Variants in CERT1 observed in about 807,000 individuals in gnomAD.
CERT1 encodes ceramide transporter 1.
Under a neutral mutation model 87.9 loss-of-function variants are expected in CERT1, and 31 were observed. The ratio of observed to expected loss-of-function variants is 0.35; its 90% confidence interval spans 0.27 to 0.48. CERT1 has a LOEUF of 0.48. CERT1 is among the 20% of genes least tolerant of loss of function. CERT1 has a pLI of 0.99. For synonymous variants in CERT1, 289 were observed against 250.9 expected (o/e 1.15, Z -1.44); for missense variants, 487 against 758.0 (o/e 0.64, Z 4.20).
downstream of CERT1, chr5:75,374,447 A>G (rs2111958368): frequency 1.4e-6 from 1 of 692,084 alleles, no homozygotes; most frequent in African/African-American, 1.8e-5. Flanking sequence ...TCCTCTCTAC[A>G]GTCCAGGCCT....
intron 3 of CERT1, among the ~76,000 whole-genome samples, chr5:75,431,085 G>A (rs1195128635): frequency 1.3e-5 from 2 of 152,114 alleles, no homozygotes; most frequent in Non-Finnish European, 2.9e-5. Context: ...TTTAGGTTCA[G>A]GCAATACATG....
At chr5:75,445,441 G>T (rs1023525623) in intron 3 of CERT1, among the ~76,000 whole-genome samples, 1 of 152,134 alleles carries the variant, frequency 6.6e-6, no homozygotes, top group African/African-American at 2.4e-5. Flanking sequence ...TTATTTGGGC[G>T]TGTTTAAATT....
chr5:75,487,197 T>G (rs1766563801), intron 2 of CERT1, among the ~76,000 whole-genome samples: 1 of 152,036 alleles, frequency 6.6e-6, no homozygotes. Flanking sequence ...GTGAACTTAT[T>G]TTTGAGAAAA....
intron 7 of CERT1, among the ~76,000 whole-genome samples, chr5:75,414,537 G>T (rs954094699): frequency 6.6e-5 from 10 of 152,028 alleles, no homozygotes; most frequent in Admixed American, 2.6e-4. Flanking sequence ...TCAATGAACA[G>T]GTTATCTCTT....
At chr5:75,421,945 C>T (rs1256359243) in intron 5 of CERT1, among the ~76,000 whole-genome samples, 1 of 152,124 alleles carries the variant, frequency 6.6e-6, no homozygotes, top group Non-Finnish European at 1.5e-5. Context: ...GCCTTCTGTA[C>T]AATATTTGTT....
At chr5:75,399,177 T>G (rs1762372235) in intron 11 of CERT1, 133 bp downstream of exon 11, 1 of 664,146 alleles carries the variant, frequency 1.5e-6, no homozygotes, top group African/African-American at 1.8e-5. Context: ...AAGACCTTTT[T>G]AATGCTTAAT....
At chr5:75,484,237 C>T (rs1368004471) in intron 2 of CERT1, among the ~76,000 whole-genome samples, 1 of 150,178 alleles carries the variant, frequency 6.7e-6, no homozygotes, top group African/African-American at 2.4e-5. Context: ...CAGACAAAAC[C>T]TGCAACAGAC....
At position 75,499,118 on chromosome 5, in the gene CERT1, A is replaced by C. The variant is rs371341565; in HGVS notation, c.231+6864T>G. Reference sequence around the variant, plus strand: ...GTATTTACCCACTGCCCATACCCTCAATGTATCTAAGAAGGAACTAACTTG... The same window carrying C: ...GTATTTACCCACTGCCCATACCCTCCATGTATCTAAGAAGGAACTAACTTG... On this transcript the variant is annotated intron_variant, in intron 2 of 16. Transcript: ENST00000643780. Among the ~76,000 whole-genome samples, 9 of 152,270 alleles carry C rather than the reference A, an allele frequency of 5.9e-5. No individual in the cohort carries two copies. The East Asian group carries it at 9.7e-4, about 16-fold the overall frequency.
chr5:75,506,712 T>C (rs986451503), intron 1 of CERT1, among the ~76,000 whole-genome samples: 1 of 152,336 alleles, frequency 6.6e-6, no homozygotes, highest in East Asian at 1.9e-4. Flanking sequence ...TCTACAGAAC[T>C]GAATAATATT....
chr5:75,410,492 C>A (rs2112124328), intron 8 of CERT1, among the ~76,000 whole-genome samples: 1 of 152,060 alleles, frequency 6.6e-6, no homozygotes, highest in East Asian at 1.9e-4. Context: ...TGCCTGTAGT[C>A]CCAGCTACTA....
chr5:75,383,830 T>C (rs1210789770), intron 14 of CERT1, among the ~76,000 whole-genome samples: 1 of 152,218 alleles, frequency 6.6e-6, no homozygotes, highest in Non-Finnish European at 1.5e-5. Context: ...TTTTAATTCC[T>C]TTTATTATGC....
At chr5:75,502,625 T>A (rs888772435) in intron 2 of CERT1, among the ~76,000 whole-genome samples, 2 of 152,154 alleles carry the variant, frequency 1.3e-5, no homozygotes, top group African/African-American at 4.8e-5. Flanking sequence ...AATCCTTGTA[T>A]AGTCCTACAT....
chr5:75,415,278 A>T (rs1763091937), intron 7 of CERT1, among the ~76,000 whole-genome samples: 1 of 152,244 alleles, frequency 6.6e-6, no homozygotes, highest in Non-Finnish European at 1.5e-5. Context: ...AAAATTTGAC[A>T]TCAGATAGAT....
intron 2 of CERT1, among the ~76,000 whole-genome samples, chr5:75,464,466 G>A (rs895566783): frequency 2.0e-5 from 3 of 152,190 alleles, no homozygotes; most frequent in African/African-American, 7.2e-5. Context: ...GTGAAGGCAA[G>A]CAGATAAAGA....
intron 2 of CERT1, among the ~76,000 whole-genome samples, chr5:75,490,153 A>G (rs994116089): frequency 2.6e-5 from 4 of 152,186 alleles, no homozygotes; most frequent in African/African-American, 9.7e-5. Flanking sequence ...CAATGAGAAC[A>G]TATGAGCACA....
At chr5:75,481,021 G>A (rs1766216433) in intron 2 of CERT1, among the ~76,000 whole-genome samples, 1 of 152,082 alleles carries the variant, frequency 6.6e-6, no homozygotes, top group South Asian at 2.1e-4. Context: ...CTGTTGCACG[G>A]ATCAAATCAC....
intron 3 of CERT1, among the ~76,000 whole-genome samples, chr5:75,453,317 C>T (rs993333696): frequency 4.6e-5 from 7 of 152,030 alleles, no homozygotes; most frequent in Non-Finnish European, 7.4e-5. Context: ...AAAAAATTTG[C>T]GTGCCCAATG....
At chr5:75,401,655 A>G (rs1762492885) in intron 9 of CERT1, 1 of 152,240 alleles carries the variant, frequency 6.6e-6, no homozygotes, top group Admixed American at 6.5e-5. Flanking sequence ...GGTATAAAAA[A>G]AATGAGCAAT....
At chr5:75,438,825 T>C (rs1764194888) in intron 3 of CERT1, among the ~76,000 whole-genome samples, 1 of 152,042 alleles carries the variant, frequency 6.6e-6, no homozygotes. Flanking sequence ...CTTGGGTCAA[T>C]GAAGCACTTA....
Sources: allele counts gnomAD v4.1 joint callset (sites outside exome capture counted in the v4.1 genomes callset), GRCh38; gene constraint gnomAD v4.1.1; transcripts MANE v1.5; gene names NCBI Gene and HGNC (gene_info 2026-07-23, HGNC 2026-07-21).